RNF17: variants seen among roughly 807,000 people sequenced by gnomAD.
The protein encoded by RNF17 is spermatogenesis associated 23.
RNF17 carries 31 observed loss-of-function variants against 200.5 expected under a neutral mutation model. The observed-to-expected ratio is 0.15, with a 90% CI of 0.12 to 0.21. The LOEUF (loss-of-function observed/expected upper bound fraction) is 0.21, where lower values mean the gene tolerates loss of function less well. Among genes scored for constraint, RNF17 ranks in the 10% least tolerant of loss-of-function variants. The probability of loss-of-function intolerance (pLI) is 1.00; values close to 1 mark genes in which losing one functional copy is unlikely to be tolerated. For missense variants in RNF17, 1,628 were observed against 1,905.1 expected (o/e 0.85, Z 2.71); for synonymous variants, 606 against 637.8 (o/e 0.95, Z 0.75).
intron 9 of RNF17, among the ~76,000 whole-genome samples, chr13:24,792,075 G>C (rs1883934346): frequency 6.6e-6 from 1 of 152,086 alleles, no homozygotes; most frequent in Non-Finnish European, 1.5e-5. Context: ...GCTGTGACTT[G>C]ACTTTATGCT....
At chr13:24,874,366 T>C in intron 33 of RNF17, 117 bp downstream of exon 33, 1 of 843,024 alleles carries the variant, frequency 1.2e-6, no homozygotes, top group South Asian at 2.4e-5. Flanking sequence ...TGTTTATAAA[T>C]TAGGAATTTT....
intron 22 of RNF17, among the ~76,000 whole-genome samples, chr13:24,846,465 A>T (rs1367184449): frequency 1.3e-5 from 2 of 152,192 alleles, no homozygotes; most frequent in Non-Finnish European, 2.9e-5. Context: ...GCTGCTATTC[A>T]CCATAGAATA....
chr13:24,780,123 A>G (rs916365041), intron 5 of RNF17, among the ~76,000 whole-genome samples: 1 of 152,172 alleles, frequency 6.6e-6, no homozygotes, highest in Non-Finnish European at 1.5e-5. Flanking sequence ...TGGTGACACA[A>G]AACAAGTTCT....
At chr13:24,887,122 G>T in the RNF17 span, among the ~76,000 whole-genome samples, 1 of 152,072 alleles carries the variant, frequency 6.6e-6, no homozygotes, top group Admixed American at 6.5e-5. Context: ...CCCCAAGATA[G>T]GGAAAGAATT....
At chr13:24,847,585 A>T (rs1439866643) in intron 22 of RNF17, among the ~76,000 whole-genome samples, 1 of 152,154 alleles carries the variant, frequency 6.6e-6, no homozygotes, top group Non-Finnish European at 1.5e-5. Context: ...ACCTCAAGTG[A>T]TGTGTCTGCC....
chr13:24,764,063 C>A, upstream of RNF17: 1 of 753,008 alleles, frequency 1.3e-6, no homozygotes, highest in Non-Finnish European at 2.1e-6. Flanking sequence ...CCAGCCCCAT[C>A]AGGAGCGAGC....
chr13:24,811,839 TTTG>T (rs1477179768), intron 15 of RNF17, among the ~76,000 whole-genome samples: 1 of 151,986 alleles, frequency 6.6e-6, no homozygotes, highest in African/African-American at 2.4e-5. Context: ...GTCCTTTCTG[TTTG>T]TTAGTTTTCC....
intron 30 of RNF17, among the ~76,000 whole-genome samples, chr13:24,868,225 C>T (rs1229904935): frequency 6.6e-6 from 1 of 151,982 alleles, no homozygotes; most frequent in Non-Finnish European, 1.5e-5. Flanking sequence ...AATCCCAGCA[C>T]TTTGGGAGGC....
At chr13:24,825,556 T>TCATTCAA in intron 15 of RNF17, 63 bp from the exon 16 acceptor site, 4 of 1,047,486 alleles carry the variant, frequency 3.8e-6, no homozygotes, top group African/African-American at 3.1e-5. Context: ...TGCTTGTAAT[T>TCATTCAA]CATTCAACAC....
At chr13:24,776,401 A>G (rs1881576228) in intron 3 of RNF17, among the ~76,000 whole-genome samples, 1 of 152,224 alleles carries the variant, frequency 6.6e-6, no homozygotes, top group Admixed American at 6.5e-5. Flanking sequence ...ATAAAAAAAC[A>G]AAAGAATGGT....
intron 27 of RNF17, 108 bp downstream of exon 27, chr13:24,861,495 A>C (rs927052241): frequency 2.6e-6 from 2 of 764,910 alleles, no homozygotes; most frequent in East Asian, 7.2e-5. Context: ...GCAACAAAAA[A>C]GTAATAAAAC....
the RNF17 span, among the ~76,000 whole-genome samples, chr13:24,756,930 T>C: frequency 6.6e-6 from 1 of 152,074 alleles, no homozygotes; most frequent in Non-Finnish European, 1.5e-5. Context: ...GGAAGACACA[T>C]TGGACCTCTT....
chr13:24,874,362 T>C, intron 33 of RNF17, 113 bp downstream of exon 33: 1 of 864,012 alleles, frequency 1.2e-6, no homozygotes, highest in South Asian at 2.3e-5. Flanking sequence ...AGGCTGTTTA[T>C]AAATTAGGAA....
chr13:24,851,579 CTT>C lies in RNF17; in HGVS notation c.3320+13_3320+14del, dbSNP rs770828131. 6.3e-7 allele frequency: 1 copy of C among 1,579,738 alleles called. No individual in the cohort carries two copies. Among genetic ancestry groups the C allele is most frequent in the African/African-American group, 1.4e-5 (1 of 73,106 alleles). On this transcript the variant is annotated intron_variant, in intron 24 of 35. Transcript: ENST00000255324. ...GGCTTTGAGAGAAAGGAGGTATAGA[CTT>C]TTTTAAAAAATTTTGACATCAGTTT...
At chr13:24,821,338 T>C (rs1385896724) in intron 15 of RNF17, among the ~76,000 whole-genome samples, 1 of 148,994 alleles carries the variant, frequency 6.7e-6, no homozygotes, top group Non-Finnish European at 1.5e-5. Flanking sequence ...CAACATATCT[T>C]TGGGGGAAGA....
At chr13:24,814,506 A>G (rs1273197840) in intron 15 of RNF17, among the ~76,000 whole-genome samples, 1 of 152,128 alleles carries the variant, frequency 6.6e-6, no homozygotes, top group Non-Finnish European at 1.5e-5. Flanking sequence ...TAAGAGTTTT[A>G]TAGGTTTAGA....
chr13:24,768,031 C>A (rs572272670), intron 2 of RNF17, among the ~76,000 whole-genome samples: 12 of 152,210 alleles, frequency 7.9e-5, no homozygotes, highest in African/African-American at 2.6e-4. Flanking sequence ...TTGAACTCCC[C>A]CCCTGCCCCT....
intron 15 of RNF17, chr13:24,824,131 A>G (rs182106502): frequency 4.8e-5 from 34 of 703,824 alleles, no homozygotes; most frequent in Admixed American, 4.2e-4. Flanking sequence ...CTTTCCTACC[A>G]TTTAGAAAAT....
chr13:24,764,734 C>G (rs2137852869), intron 1 of RNF17, among the ~76,000 whole-genome samples: 1 of 152,294 alleles, frequency 6.6e-6, no homozygotes, highest in Middle Eastern at 3.4e-3. Flanking sequence ...GTAGGAGTAA[C>G]AAGTAGACCA....
Sources: gnomAD v4.1 joint callset for allele counts (sites outside exome capture counted in the v4.1 genomes callset) on GRCh38, gnomAD v4.1.1 for gene constraint, MANE v1.5 for transcripts, NCBI Gene and HGNC (gene_info 2026-07-23, HGNC 2026-07-21) for gene names.